The following SNTB1 variants were observed in gnomAD, a reference collection of about 807,000 sequenced individuals.
SNTB1 encodes the protein beta-1-syntrophin.
In SNTB1, 36 loss-of-function variants were observed where a neutral mutation model predicts 48.9. That is an observed-to-expected ratio of 0.74 (90% CI 0.56 to 0.97). The LOEUF (loss-of-function observed/expected upper bound fraction) is 0.97, where lower values mean the gene tolerates loss of function less well. Among genes scored for constraint, SNTB1 ranks in the 50% least tolerant of loss-of-function variants. The probability of loss-of-function intolerance (pLI) is 0.00; values close to 1 mark genes in which losing one functional copy is unlikely to be tolerated. For synonymous variants in SNTB1, 299 were observed against 294.6 expected (o/e 1.01, Z -0.15); for missense variants, 786 against 703.4 (o/e 1.12, Z -1.33).
intron 3 of SNTB1, among the ~76,000 whole-genome samples, chr8:120,613,214 G>C (rs1338605948): frequency 1.3e-5 from 2 of 152,114 alleles, no homozygotes; most frequent in East Asian, 1.9e-4. Flanking sequence ...AGCCAGGCAT[G>C]GTGGTGGGCG....
chr8:120,552,388 A>ATTTC (rs1815495060), intron 4 of SNTB1, among the ~76,000 whole-genome samples: 1 of 151,552 alleles, frequency 6.6e-6, no homozygotes, highest in Admixed American at 6.6e-5. Flanking sequence ...TTATTTATTT[A>ATTTC]GACAGAGTCA....
At chr8:120,751,555 T>C (rs1342062822) in intron 1 of SNTB1, among the ~76,000 whole-genome samples, 6 of 152,186 alleles carry the variant, frequency 3.9e-5, no homozygotes, top group African/African-American at 1.2e-4. Flanking sequence ...GCACTGGAAG[T>C]AAATGTCTGG....
chr8:120,704,429 C>G (rs367965367), intron 1 of SNTB1, among the ~76,000 whole-genome samples: 3 of 151,522 alleles, frequency 2.0e-5, no homozygotes, highest in African/African-American at 7.3e-5. Context: ...GCACTCCAGC[C>G]TGTGCAAAAG....
At chr8:120,741,481 C>A (rs184524041) in intron 1 of SNTB1, among the ~76,000 whole-genome samples, 2 of 152,210 alleles carry the variant, frequency 1.3e-5, no homozygotes, top group East Asian at 3.9e-4. Context: ...TGGTGGTGAG[C>A]CCCTGTAGTC....
At chr8:120,741,464 C>A (rs1819039875) in intron 1 of SNTB1, among the ~76,000 whole-genome samples, 1 of 152,152 alleles carries the variant, frequency 6.6e-6, no homozygotes. Flanking sequence ...CAAAAATTAG[C>A]TGGGTCTGGT....
intron 3 of SNTB1, among the ~76,000 whole-genome samples, chr8:120,613,522 T>C (rs1816660785): frequency 6.6e-6 from 1 of 152,048 alleles, no homozygotes; most frequent in Non-Finnish European, 1.5e-5. Flanking sequence ...CATCCCACCA[T>C]CTCCTCTCCA....
chr8:120,701,944 A>G (rs1440467406), intron 1 of SNTB1, among the ~76,000 whole-genome samples: 55 of 152,236 alleles, frequency 3.6e-4, no homozygotes. Context: ...AGACTAATCC[A>G]CTCATTCAAT....
At chr8:120,675,128 G>A (rs1414159179) in intron 2 of SNTB1, among the ~76,000 whole-genome samples, 1 of 152,170 alleles carries the variant, frequency 6.6e-6, no homozygotes, top group East Asian at 1.9e-4. Context: ...AAAAGGCCCA[G>A]TGGTCTTCAT....
chr8:120,672,781 T>G (rs1817778426), intron 2 of SNTB1, among the ~76,000 whole-genome samples: 1 of 152,230 alleles, frequency 6.6e-6, no homozygotes, highest in Admixed American at 6.5e-5. Flanking sequence ...TGCCTTCCTG[T>G]TGCTGTCCTG....
intron 2 of SNTB1, among the ~76,000 whole-genome samples, chr8:120,665,470 A>ATAAAT (rs1563845924): frequency 6.6e-6 from 1 of 151,906 alleles, no homozygotes; most frequent in Non-Finnish European, 1.5e-5. Flanking sequence ...AAATAAATAA[A>ATAAAT]ATATATATGT....
At chr8:120,784,408 T>G (rs1819887401) in intron 1 of SNTB1, among the ~76,000 whole-genome samples, 1 of 151,988 alleles carries the variant, frequency 6.6e-6, no homozygotes, top group Non-Finnish European at 1.5e-5. Flanking sequence ...TCCTATAATA[T>G]CTCAATAAAT....
At chr8:120,794,479 T>TTA (rs747599760) in intron 1 of SNTB1, among the ~76,000 whole-genome samples, 61 of 147,484 alleles carry the variant, frequency 4.1e-4, no homozygotes, top group African/African-American at 9.1e-4. Flanking sequence ...ATGTACTATT[T>TTA]TATATATATA....
At chr8:120,539,257 G>T (rs1258947503) in intron 6 of SNTB1, among the ~76,000 whole-genome samples, 1 of 151,252 alleles carries the variant, frequency 6.6e-6, no homozygotes, top group African/African-American at 2.4e-5. Context: ...TTTATTTTTG[G>T]TACCACAATA....
chr8:120,600,698 G>T (rs1167900812), intron 3 of SNTB1, among the ~76,000 whole-genome samples: 2 of 151,974 alleles, frequency 1.3e-5, no homozygotes, highest in Non-Finnish European at 2.9e-5. Flanking sequence ...TAGCTCTACA[G>T]TCAGACATAT....
chr8:120,595,346 C>A (rs1196898475), intron 3 of SNTB1, among the ~76,000 whole-genome samples: 5 of 152,162 alleles, frequency 3.3e-5, no homozygotes, highest in African/African-American at 9.7e-5. Context: ...CCCACCAAAA[C>A]CAAGGTGGCA....
chr8:120,682,499 ACTT>A (rs1418171854), intron 2 of SNTB1, among the ~76,000 whole-genome samples: 18 of 152,202 alleles, frequency 1.2e-4, no homozygotes, highest in African/African-American at 3.9e-4. Context: ...ACCTCTCTGA[ACTT>A]CTCCTTCCCA....
intron 3 of SNTB1, among the ~76,000 whole-genome samples, chr8:120,604,690 A>G (rs764765294): frequency 6.8e-4 from 104 of 152,204 alleles, no homozygotes; most frequent in Non-Finnish European, 1.2e-3. Flanking sequence ...ACCTCAGGTG[A>G]TCCACCCACC....
chr8:120,640,395 G>T (rs187014927), intron 2 of SNTB1, among the ~76,000 whole-genome samples: 120 of 152,242 alleles, frequency 7.9e-4, no homozygotes, highest in African/African-American at 2.7e-3. Context: ...GATTGCCCTG[G>T]CCAGAAGTTC....
intron 1 of SNTB1, among the ~76,000 whole-genome samples, chr8:120,696,507 T>C (rs1818212912): frequency 6.6e-6 from 1 of 152,220 alleles, no homozygotes; most frequent in Non-Finnish European, 1.5e-5. Flanking sequence ...ACATTAAGTT[T>C]CAAATGACCA....
Sources: allele counts gnomAD v4.1 joint callset (sites outside exome capture counted in the v4.1 genomes callset), GRCh38; gene constraint gnomAD v4.1.1; transcripts MANE v1.5; gene names NCBI Gene and HGNC (gene_info 2026-07-23, HGNC 2026-07-21).